The following PIGL variants were observed in gnomAD, a reference collection of about 807,000 sequenced individuals.
PIGL encodes phosphatidylinositol glycan anchor biosynthesis class L.
A neutral mutation model predicts 31.1 loss-of-function variants in PIGL; 22 were observed. That is an observed-to-expected ratio of 0.71 (90% CI 0.51 to 1.01). The LOEUF is 1.01. PIGL is among the 50% of genes least tolerant of loss of function. The pLI is 0.00. For synonymous variants in PIGL, 131 were observed against 117.4 expected, an observed-to-expected ratio of 1.12 and a Z score of -0.75; for missense variants, 302 against 315.9, an observed-to-expected ratio of 0.96 and a Z score of 0.33.
intron 6 of PIGL, chr17:16,324,281 T>G (rs1263463874): frequency 6.6e-6 from 1 of 151,954 alleles, no homozygotes; most frequent in Non-Finnish European, 1.5e-5. Context: ...TCTTATTATC[T>G]TATAATGTCT....
chr17:16,288,459 C>T (rs1220483229), intron 2 of PIGL, among the ~76,000 whole-genome samples: 2 of 152,220 alleles, frequency 1.3e-5, no homozygotes, highest in African/African-American at 4.8e-5. Flanking sequence ...CCCGCCTTGG[C>T]CTCCCAAAGT....
intron 2 of PIGL, among the ~76,000 whole-genome samples, chr17:16,242,709 T>TG (rs144006614): frequency 3.2e-4 from 45 of 139,182 alleles, no homozygotes; most frequent in African/African-American, 1.1e-3. Flanking sequence ...CTCTGCCTCC[T>TG]GGGTTCAAGT....
At chr17:16,227,171 C>T (rs1169810060) in intron 1 of PIGL, among the ~76,000 whole-genome samples, 2 of 151,336 alleles carry the variant, frequency 1.3e-5, no homozygotes, top group African/African-American at 2.4e-5. Context: ...TGCAGTGGCA[C>T]GATCTCGGCT....
chr17:16,321,440 A>G (rs2093105547), intron 6 of PIGL, among the ~76,000 whole-genome samples: 1 of 151,954 alleles, frequency 6.6e-6, no homozygotes, highest in Admixed American at 6.6e-5. Context: ...GGGTTTCGCC[A>G]TGTTGGTCAG....
chr17:16,236,725 G>A (rs2092700887), intron 2 of PIGL, among the ~76,000 whole-genome samples: 1 of 151,558 alleles, frequency 6.6e-6, no homozygotes, highest in Admixed American at 6.6e-5. Context: ...ACGCCACCAT[G>A]CCCAGCTAAT....
chr17:16,223,859 A>G (rs2092640142), intron 1 of PIGL, among the ~76,000 whole-genome samples: 1 of 152,158 alleles, frequency 6.6e-6, no homozygotes, highest in South Asian at 2.1e-4. Context: ...TCAGATTTCC[A>G]TGTAATTCTG....
At chr17:16,218,171 G>A (rs1276359793) in intron 1 of PIGL, 2 of 152,122 alleles carry the variant, frequency 1.3e-5, no homozygotes, top group African/African-American at 4.8e-5. Flanking sequence ...GAATTTTATG[G>A]CATGTCAAAG....
At chr17:16,258,492 TTTTATTTA>T (rs577163154) in intron 2 of PIGL, among the ~76,000 whole-genome samples, 2 of 150,822 alleles carry the variant, frequency 1.3e-5, no homozygotes, top group South Asian at 2.1e-4. Context: ...TTATTTTTAT[TTTTATTTA>T]TTTATTTATT....
intron 2 of PIGL, among the ~76,000 whole-genome samples, chr17:16,259,717 A>G (rs946853735): frequency 6.6e-5 from 10 of 152,304 alleles, no homozygotes; most frequent in Non-Finnish European, 1.3e-4. Flanking sequence ...TACTGCCATG[A>G]CACCAGCATT....
chr17:16,224,006 A>G (rs1162347346), intron 1 of PIGL, among the ~76,000 whole-genome samples: 1 of 152,102 alleles, frequency 6.6e-6, no homozygotes, highest in Non-Finnish European at 1.5e-5. Flanking sequence ...CACTAGTTCA[A>G]GAGAGCAGGA....
chr17:16,312,263 G>A (rs572481344), intron 3 of PIGL: 284 of 156,526 alleles, frequency 1.8e-3, no homozygotes, highest in African/African-American at 7.0e-3. Context: ...GGGCAGAGAC[G>A]CTCCTCACCT....
intron 2 of PIGL, among the ~76,000 whole-genome samples, chr17:16,262,255 G>A (rs2092822274): frequency 6.6e-6 from 1 of 152,094 alleles, no homozygotes; most frequent in African/African-American, 2.4e-5. Context: ...TGAAAAACAG[G>A]CGAAGGACTT....
intron 2 of PIGL, among the ~76,000 whole-genome samples, chr17:16,241,228 G>A (rs1328313128): frequency 6.6e-6 from 1 of 151,536 alleles, no homozygotes; most frequent in African/African-American, 2.4e-5. Flanking sequence ...AGGGTAGTTT[G>A]CAAAGGAGGA....
intron 2 of PIGL, chr17:16,279,941 G>C (rs965272073): frequency 6.6e-6 from 1 of 152,192 alleles, no homozygotes; most frequent in African/African-American, 2.4e-5. Flanking sequence ...AGAGAAAACT[G>C]GTTCAAGTCA....
chr17:16,318,093 C>A (rs1010845780), intron 6 of PIGL, among the ~76,000 whole-genome samples, 185 bp downstream of exon 6: 3 of 151,876 alleles, frequency 2.0e-5, no homozygotes, highest in African/African-American at 7.3e-5. Context: ...TGACTTTAGC[C>A]TTTTTTTTCT....
chr17:16,257,769 G>A (rs997804459), intron 2 of PIGL, among the ~76,000 whole-genome samples: 46 of 151,374 alleles, frequency 3.0e-4, no homozygotes, highest in Admixed American at 3.0e-3. Context: ...CCTTTAATTA[G>A]AAGTCCATAT....
At chr17:16,248,531 T>A (rs1346271000) in intron 2 of PIGL, among the ~76,000 whole-genome samples, 1 of 152,186 alleles carries the variant, frequency 6.6e-6, no homozygotes, top group Non-Finnish European at 1.5e-5. Flanking sequence ...AAGACCATAT[T>A]TCCACTGACA....
intron 2 of PIGL, among the ~76,000 whole-genome samples, chr17:16,250,844 T>C (rs768664609): frequency 1.3e-5 from 2 of 152,240 alleles, no homozygotes; most frequent in South Asian, 4.1e-4. Context: ...GCATTTGAGC[T>C]GATGCAATCT....
chr17:16,289,667 T>C (rs1476273422), intron 2 of PIGL, among the ~76,000 whole-genome samples: 2 of 152,238 alleles, frequency 1.3e-5, no homozygotes, highest in Non-Finnish European at 1.5e-5. Context: ...AGGTCTGGAT[T>C]TGAAAAGTCA....
Sources: allele counts gnomAD v4.1 joint callset (sites outside exome capture counted in the v4.1 genomes callset), GRCh38; gene constraint gnomAD v4.1.1; transcripts MANE v1.5; gene names NCBI Gene and HGNC (gene_info 2026-07-23, HGNC 2026-07-21).